CSMD1: variants seen among roughly 807,000 people sequenced by gnomAD.
CSMD1 encodes the protein CUB and Sushi multiple domains 1.
CSMD1 carries 213 observed loss-of-function variants against 417.5 expected under a neutral mutation model. That is an observed-to-expected ratio of 0.51 (90% CI 0.46 to 0.57). The LOEUF is 0.57. Ranked by LOEUF, CSMD1 falls within the 20% of genes least tolerant of loss-of-function variation. CSMD1 has a pLI of 0.00. For synonymous variants in CSMD1, 2,862 were observed against 1,736.8 expected (o/e 1.65, Z -16.11); for missense variants, 6,923 against 4,529.7 (o/e 1.53, Z -15.17).
In CSMD1 at chr8:4,422,586, A is replaced by G. The variant is rs543451959; in HGVS notation, c.303-2521T>C. On this transcript the variant is annotated intron_variant, in intron 2 of 69. Coordinates refer to ENST00000635120, the MANE Select transcript of CSMD1 (RefSeq NM_033225.6). ...AGAGAGCCCTCACCAGGAACTGACT[A>G]TTCTGGACCCTGATCTCAGACTTTC... Among the ~76,000 whole-genome samples the G allele has an allele frequency of 2.0e-5, 3 of 152,222 alleles. No individual in the cohort carries two copies. The South Asian group carries it at 6.2e-4, about 32-fold the overall frequency.
At chr8:4,404,262 T>G (rs966197363) in intron 3 of CSMD1, among the ~76,000 whole-genome samples, 2 of 152,162 alleles carry the variant, frequency 1.3e-5, no homozygotes, top group African/African-American at 4.8e-5. Context: ...GCTATATATT[T>G]ATGTCATCTA....
chr8:3,321,784 T>G (rs1377455318), intron 23 of CSMD1, among the ~76,000 whole-genome samples: 1 of 152,186 alleles, frequency 6.6e-6, no homozygotes, highest in Non-Finnish European at 1.5e-5. Context: ...ATTTTCTAAA[T>G]AAAAATAAGT....
At chr8:4,199,487 G>A (rs1305727203) in intron 3 of CSMD1, among the ~76,000 whole-genome samples, 1 of 152,136 alleles carries the variant, frequency 6.6e-6, no homozygotes, top group African/African-American at 2.4e-5. Flanking sequence ...AGGCAAATAG[G>A]AATATGGTGT....
At chr8:3,332,059 A>G (rs1463774900) in intron 23 of CSMD1, among the ~76,000 whole-genome samples, 1 of 152,258 alleles carries the variant, frequency 6.6e-6, no homozygotes, top group Non-Finnish European at 1.5e-5. Context: ...TAGATTATCA[A>G]TCAATAGATG....
chr8:4,981,767 C>T (rs113497101), intron 1 of CSMD1, among the ~76,000 whole-genome samples: 4 of 152,164 alleles, frequency 2.6e-5, no homozygotes, highest in African/African-American at 9.6e-5. Context: ...GGGCAGGACC[C>T]GTGGCTTCCT....
chr8:2,952,940 C>T (rs1802738996), intron 65 of CSMD1, among the ~76,000 whole-genome samples: 1 of 152,136 alleles, frequency 6.6e-6, no homozygotes, highest in South Asian at 2.1e-4. Context: ...AATGCAGCAG[C>T]CACATAGCTG....
chr8:3,094,949 C>T (rs771275563), intron 47 of CSMD1, among the ~76,000 whole-genome samples: 6 of 152,104 alleles, frequency 3.9e-5, no homozygotes, highest in African/African-American at 7.2e-5. Flanking sequence ...ACCAGACAAT[C>T]CTAGTCACTG....
intron 26 of CSMD1, among the ~76,000 whole-genome samples, chr8:3,250,672 C>A (rs563889990): frequency 6.6e-6 from 1 of 152,212 alleles, no homozygotes; most frequent in Non-Finnish European, 1.5e-5. Context: ...TATGGTCCCA[C>A]CAACAGTGTA....
At chr8:3,130,340 C>G (rs1817728412) in intron 41 of CSMD1, among the ~76,000 whole-genome samples, 1 of 152,074 alleles carries the variant, frequency 6.6e-6, no homozygotes, top group Non-Finnish European at 1.5e-5. Context: ...GTCGTGCATA[C>G]AGCCAGACGA....
chr8:4,429,463 T>C (rs1326920346), intron 2 of CSMD1, among the ~76,000 whole-genome samples: 2 of 152,022 alleles, frequency 1.3e-5, no homozygotes, highest in Non-Finnish European at 2.9e-5. Context: ...TTTGGTTCTT[T>C]GGCAACTCCT....
chr8:4,663,246 T>A (rs1455154719), intron 1 of CSMD1, among the ~76,000 whole-genome samples: 2 of 152,218 alleles, frequency 1.3e-5, no homozygotes, highest in East Asian at 3.8e-4. Context: ...TGCTGACTTT[T>A]CATTACCTGT....
At chr8:4,895,395 C>A (rs957155418) in intron 1 of CSMD1, among the ~76,000 whole-genome samples, 1 of 152,100 alleles carries the variant, frequency 6.6e-6, no homozygotes, top group African/African-American at 2.4e-5. Flanking sequence ...CCAAACACAT[C>A]CCTCTTTTTC....
intron 2 of CSMD1, among the ~76,000 whole-genome samples, chr8:4,432,947 G>A (rs1364474814): frequency 2.6e-5 from 4 of 152,176 alleles, no homozygotes; most frequent in African/African-American, 4.8e-5. Context: ...GCTCCCCATG[G>A]CTCACGTTAC....
At chr8:4,573,620 C>T (rs780677451) in intron 2 of CSMD1, among the ~76,000 whole-genome samples, 13 of 152,050 alleles carry the variant, frequency 8.5e-5, no homozygotes, top group Non-Finnish European at 1.3e-4. Context: ...CTTGAGGGGG[C>T]GGTCTTTCCC....
intron 3 of CSMD1, among the ~76,000 whole-genome samples, chr8:4,166,529 C>T (rs919199715): frequency 8.5e-5 from 13 of 152,122 alleles, no homozygotes; most frequent in African/African-American, 3.1e-4. Flanking sequence ...ACTGTATATT[C>T]TCATTTATAA....
chr8:4,569,367 G>C (rs1318302750), intron 2 of CSMD1, among the ~76,000 whole-genome samples: 1 of 152,292 alleles, frequency 6.6e-6, no homozygotes, highest in South Asian at 2.1e-4. Context: ...CATATGGCTA[G>C]TCAGCTTTCC....
intron 3 of CSMD1, among the ~76,000 whole-genome samples, chr8:4,162,866 T>C (rs1034739794): frequency 3.3e-5 from 5 of 152,186 alleles, no homozygotes; most frequent in African/African-American, 7.2e-5. Flanking sequence ...ACTGAGTAGT[T>C]TCCCCGCCCT....
chr8:3,253,089 C>T (rs1030265443), intron 26 of CSMD1, among the ~76,000 whole-genome samples: 5 of 152,074 alleles, frequency 3.3e-5, no homozygotes, highest in African/African-American at 1.2e-4. Context: ...TATGTTTGCT[C>T]TTGGTTCTCC....
intron 3 of CSMD1, among the ~76,000 whole-genome samples, chr8:4,081,847 A>C (rs530809453): frequency 6.6e-6 from 1 of 152,334 alleles, no homozygotes; most frequent in Non-Finnish European, 1.5e-5. Context: ...AGTTGAAACC[A>C]AATAATTAGA....
Sources: allele counts gnomAD v4.1 joint callset (sites outside exome capture counted in the v4.1 genomes callset), GRCh38; gene constraint gnomAD v4.1.1; transcripts MANE v1.5; gene names NCBI Gene and HGNC (gene_info 2026-07-23, HGNC 2026-07-21).